EFR3A: variants seen among roughly 807,000 people sequenced by gnomAD.
EFR3A encodes EFR3 homolog A, also known as protein EFR3 homolog A.
A neutral mutation model predicts 104.4 loss-of-function variants in EFR3A; 76 were observed. That is an observed-to-expected ratio of 0.73 (90% CI 0.60 to 0.88). The LOEUF (loss-of-function observed/expected upper bound fraction) is 0.88. Ranked by LOEUF, EFR3A falls within the 40% of genes least tolerant of loss-of-function variation. EFR3A has a pLI of 0.00. For missense variants in EFR3A, 985 were observed against 1,012.5 expected (o/e 0.97, Z 0.37); for synonymous variants, 330 against 330.0 (o/e 1.00, Z 0.00).
At chr8:131,937,065 G>C (rs994235023) in intron 1 of EFR3A, among the ~76,000 whole-genome samples, 15 of 152,102 alleles carry the variant, frequency 9.9e-5, no homozygotes, top group African/African-American at 3.6e-4. Context: ...AGCTATCCTT[G>C]AGCCCCCAGC....
At chr8:131,955,433 A>G (rs1378199812) in intron 6 of EFR3A, among the ~76,000 whole-genome samples, 1 of 152,120 alleles carries the variant, frequency 6.6e-6, no homozygotes. Flanking sequence ...ATACCTAAAG[A>G]TGGTCTCTGG....
chr8:131,952,667 ACT>A (rs1563657532), intron 5 of EFR3A, among the ~76,000 whole-genome samples: 1 of 151,948 alleles, frequency 6.6e-6, no homozygotes, highest in Non-Finnish European at 1.5e-5. Flanking sequence ...ATCTCTCAAG[ACT>A]CTTTATGTTT....
At chr8:131,908,655 T>A (rs1361399698) in intron 1 of EFR3A, among the ~76,000 whole-genome samples, 3 of 152,160 alleles carry the variant, frequency 2.0e-5, no homozygotes, top group Non-Finnish European at 4.4e-5. Flanking sequence ...GTAATAGAGC[T>A]GTTATTGCAA....
chr8:131,941,180 C>T (rs1159554354), intron 2 of EFR3A, among the ~76,000 whole-genome samples: 3 of 151,964 alleles, frequency 2.0e-5, no homozygotes, highest in Admixed American at 6.6e-5. Context: ...TTGTTTCAGG[C>T]AGAGTTTTTC....
chr8:132,010,409 T>TATAC (rs1554610366), intron 22 of EFR3A, among the ~76,000 whole-genome samples: 2 of 10,062 alleles, frequency 2.0e-4, no homozygotes, highest in African/African-American at 6.5e-4. Context: ...AAGTATGAGA[T>TATAC]ATATATATAT....
At position 131,944,785 on chromosome 8, in the gene EFR3A, A is replaced by G. The variant is rs1395008260; in HGVS notation, c.128A>G (p.Tyr43Cys). Residue 43 changes from tyrosine to cysteine, a missense_variant, in exon 3 of 23, where the codon TAT becomes TGT. By Grantham distance (194) the Tyr-to-Cys change is radical. Transcript: ENST00000254624. ...ACTGATATGGAGAAATTGACATTTT[A>G]TGCAGTATCTGCTCCAGAGAAACTG... ...VKTDMEKLTF[Y>C]AVSAPEKLDR... is the part of the protein sequence containing the mutation. The G allele has an allele frequency of 6.2e-7, 1 of 1,606,498 alleles. No homozygotes were observed. The highest frequency in any genetic ancestry group is 8.5e-7 in the Non-Finnish European group (1 of 1,176,374).
chr8:131,925,622 T>C (rs559516874), intron 1 of EFR3A, among the ~76,000 whole-genome samples: 21 of 152,258 alleles, frequency 1.4e-4, no homozygotes, highest in African/African-American at 5.1e-4. Context: ...AGGAAGTTCT[T>C]AGTAATATGT....
chr8:131,969,825 G>A (rs1819951508), intron 9 of EFR3A, among the ~76,000 whole-genome samples: 1 of 152,092 alleles, frequency 6.6e-6, no homozygotes, highest in African/African-American at 2.4e-5. Context: ...TCTGTGCTAG[G>A]CTCTATACGT....
chr8:131,946,851 G>A (rs112782444), intron 4 of EFR3A, among the ~76,000 whole-genome samples: 1 of 152,174 alleles, frequency 6.6e-6, no homozygotes, highest in Non-Finnish European at 1.5e-5. Flanking sequence ...ATGTCTGCAT[G>A]TAAATGAATG....
In EFR3A at chr8:131,946,578, T is replaced by C; in HGVS notation, c.311T>C (p.Val104Ala). ...TTTGTAGAAAGCTTTCTTCATATGGTGGCAAAGCTGCTGGAATCGGGGGAA... is the reference window on the plus strand; with the variant it reads ...TTTGTAGAAAGCTTTCTTCATATGGCGGCAAAGCTGCTGGAATCGGGGGAA... The part of the protein sequence containing the change: ...KPFVESFLHM[V>A]AKLLESGEPK... The change falls in exon 4 of 23, where the codon GTG becomes GCG. Residue 104 changes from valine to alanine, a missense_variant. By Grantham distance (64) the Val-to-Ala change is moderately conservative. Coordinates refer to ENST00000254624, the MANE Select transcript of EFR3A (RefSeq NM_015137.6). The C allele has an allele frequency of 6.2e-7, 1 of 1,606,518 alleles. No individual in the cohort carries two copies. The highest frequency in any genetic ancestry group is 1.1e-5 in the South Asian group (1 of 89,648).
chr8:131,918,064 A>G (rs756452053), intron 1 of EFR3A, among the ~76,000 whole-genome samples: 43 of 152,334 alleles, frequency 2.8e-4, no homozygotes, highest in Admixed American at 5.9e-4. Flanking sequence ...AGAGACGGGC[A>G]GATCACGAGG....
intron 22 of EFR3A, among the ~76,000 whole-genome samples, chr8:132,003,751 A>G (rs1821903020): frequency 6.6e-6 from 1 of 152,174 alleles, no homozygotes; most frequent in Non-Finnish European, 1.5e-5. Flanking sequence ...TGTACATCAT[A>G]TTCATTTGAG....
chr8:131,909,818 G>A (rs1816426035), intron 1 of EFR3A, among the ~76,000 whole-genome samples: 1 of 152,216 alleles, frequency 6.6e-6, no homozygotes. Flanking sequence ...TCAACCAAAA[G>A]TGTCTCTAGA....
At chr8:131,997,968 A>T (rs1821581943) in intron 19 of EFR3A, among the ~76,000 whole-genome samples, 1 of 152,090 alleles carries the variant, frequency 6.6e-6, no homozygotes, top group Non-Finnish European at 1.5e-5. Context: ...TTACATTAAA[A>T]GTCTGTTAAT....
chr8:131,940,554 C>A lies in EFR3A; in HGVS notation c.66C>A (p.Asn22Lys). 6.2e-7 allele frequency: 1 copy of A among 1,609,170 alleles called. No individual in the cohort carries two copies. The highest frequency in any genetic ancestry group is 1.1e-5 in the South Asian group (1 of 90,208). Residue 22 changes from asparagine (N) to lysine (K), a missense_variant, in exon 2 of 23, where the codon AAC (asparagine) becomes AAA (lysine). Asn to Lys is a moderately conservative substitution (Grantham distance 94). Coordinates refer to ENST00000254624, the MANE Select transcript of EFR3A (RefSeq NM_015137.6). ...LRPRYKRLVD[N>K]IFPEDPKDGL... ...CTCGCTACAAACGCCTGGTGGACAA[C>A]ATATTCCCTGAAGATCCAAAAGTAA...
intron 1 of EFR3A, among the ~76,000 whole-genome samples, chr8:131,933,084 A>G (rs1250529326): frequency 6.6e-6 from 1 of 152,184 alleles, no homozygotes; most frequent in African/African-American, 2.4e-5. Context: ...CAACAATGAA[A>G]ATGTTCTTTT....
chr8:131,971,086 A>C (rs1820028428), intron 10 of EFR3A, among the ~76,000 whole-genome samples: 1 of 152,204 alleles, frequency 6.6e-6, no homozygotes, highest in African/African-American at 2.4e-5. Context: ...GTATTTTTCC[A>C]AAAAATAAAT....
intron 4 of EFR3A, among the ~76,000 whole-genome samples, chr8:131,949,060 G>C (rs1371621882): frequency 1.3e-5 from 2 of 151,734 alleles, no homozygotes; most frequent in East Asian, 3.9e-4. Context: ...AAAGTGTGGA[G>C]CATAATATAG....
At chr8:131,956,455 A>G (rs1818998058) in intron 7 of EFR3A, among the ~76,000 whole-genome samples, 1 of 152,188 alleles carries the variant, frequency 6.6e-6, no homozygotes, top group South Asian at 2.1e-4. Context: ...CCACATAGAT[A>G]TGGTCTCTCA....
Sources: allele counts gnomAD v4.1 joint callset (sites outside exome capture counted in the v4.1 genomes callset), GRCh38; gene constraint gnomAD v4.1.1; transcripts MANE v1.5; gene names NCBI Gene and HGNC (gene_info 2026-07-23, HGNC 2026-07-21).